The following NRXN3 variants were observed in gnomAD, a reference collection of about 807,000 sequenced individuals.
NRXN3 encodes the protein neurexin 3.
In NRXN3, 32 loss-of-function variants were observed where a neutral mutation model predicts 137.6. The observed-to-expected ratio is 0.23, with a 90% CI of 0.18 to 0.31. The LOEUF (loss-of-function observed/expected upper bound fraction) is 0.31, where lower values mean the gene tolerates loss of function less well. NRXN3 is among the 10% of genes least tolerant of loss of function. The pLI is 1.00. For missense variants in NRXN3, 1,574 were observed against 2,062.5 expected, an observed-to-expected ratio of 0.76 and a Z score of 4.59; for synonymous variants, 798 against 784.5, an observed-to-expected ratio of 1.02 and a Z score of -0.29.
At chr14:78,818,371 C>A (rs943382672) in intron 10 of NRXN3, among the ~76,000 whole-genome samples, 1 of 151,914 alleles carries the variant, frequency 6.6e-6, no homozygotes, top group Non-Finnish European at 1.5e-5. Context: ...ATTGCGCTAC[C>A]TTAATTTATT....
At chr14:79,416,277 C>G (rs2095495585) in intron 15 of NRXN3, among the ~76,000 whole-genome samples, 1 of 152,124 alleles carries the variant, frequency 6.6e-6, no homozygotes, top group Non-Finnish European at 1.5e-5. Context: ...CAGCTTTTCA[C>G]TGTCCCGTTC....
chr14:79,109,278 T>A (rs2053040094), intron 15 of NRXN3, among the ~76,000 whole-genome samples: 1 of 145,972 alleles, frequency 6.9e-6, no homozygotes, highest in Non-Finnish European at 1.5e-5. Flanking sequence ...AGTAGCCTTA[T>A]CAATCAATTA....
intron 15 of NRXN3, among the ~76,000 whole-genome samples, chr14:79,326,360 AG>A (rs1337919072): frequency 1.3e-5 from 2 of 152,288 alleles, no homozygotes; most frequent in East Asian, 3.9e-4. Context: ...TATATTGTTT[AG>A]CCCCCATGAC....
At chr14:79,255,251 G>T (rs61995413) in intron 15 of NRXN3, among the ~76,000 whole-genome samples, 51,728 of 152,064 alleles carry the variant, frequency 0.34, 9,171 homozygotes, top group Admixed American at 0.45. Context: ...CCATAGTGCC[G>T]TCATAGAGGC....
At chr14:79,180,416 A>G (rs2062800265) in intron 15 of NRXN3, among the ~76,000 whole-genome samples, 1 of 152,220 alleles carries the variant, frequency 6.6e-6, no homozygotes, top group Admixed American at 6.5e-5. Context: ...TTAGTAGGAA[A>G]TATCTGAGCA....
At chr14:78,686,317 A>C (rs1436374146) in intron 6 of NRXN3, among the ~76,000 whole-genome samples, 2 of 152,346 alleles carry the variant, frequency 1.3e-5, no homozygotes, top group East Asian at 3.9e-4. Flanking sequence ...TTCCCAATGT[A>C]CCATTTCTCT....
chr14:78,551,907 T>G (rs1298188846), intron 4 of NRXN3, among the ~76,000 whole-genome samples: 2 of 152,148 alleles, frequency 1.3e-5, no homozygotes, highest in Non-Finnish European at 2.9e-5. Flanking sequence ...AAACATTTTC[T>G]TCTCATTATA....
At chr14:79,664,840 T>C (rs1212333680) in intron 17 of NRXN3, among the ~76,000 whole-genome samples, 1 of 152,100 alleles carries the variant, frequency 6.6e-6, no homozygotes, top group Non-Finnish European at 1.5e-5. Context: ...TGCAAGAGAA[T>C]AGTGAGAATA....
chr14:79,579,077 A>G (rs372306522), intron 16 of NRXN3, among the ~76,000 whole-genome samples: 9 of 152,192 alleles, frequency 5.9e-5, no homozygotes, highest in East Asian at 3.9e-4. Flanking sequence ...GCTATTATTC[A>G]AATTCAGTAG....
In NRXN3 at chr14:79,674,603, A is replaced by G. The variant is rs77248645; in HGVS notation, c.3616+10654A>G. Among the ~76,000 whole-genome samples, 333 of 152,004 alleles carry G rather than the reference A, an allele frequency of 2.2e-3. 10 individuals carry two copies. In the East Asian group the frequency reaches 0.047, roughly 21 times the overall value. On this transcript the variant is annotated intron_variant, in intron 17 of 20. Coordinates refer to ENST00000335750, the MANE Select transcript of NRXN3 (RefSeq NM_001330195.2). ...CCAGGTTGCCCACTCCACTTTTCCA[A>G]TGTCTTCCAAGAGCACTCCAGTTTG...
intron 15 of NRXN3, among the ~76,000 whole-genome samples, chr14:79,364,063 T>C (rs533151473): frequency 6.6e-6 from 1 of 152,360 alleles, no homozygotes; most frequent in African/African-American, 2.4e-5. Flanking sequence ...GTGTTTGTGC[T>C]GTGGCCATAT....
At chr14:78,657,398 C>T (rs1279350382) in intron 6 of NRXN3, among the ~76,000 whole-genome samples, 1 of 152,182 alleles carries the variant, frequency 6.6e-6, no homozygotes, top group Non-Finnish European at 1.5e-5. Flanking sequence ...CTTTTCTCCT[C>T]AATCTGACAC....
intron 4 of NRXN3, among the ~76,000 whole-genome samples, chr14:78,560,715 CA>C (rs1401651073): frequency 6.6e-6 from 1 of 152,158 alleles, no homozygotes; most frequent in African/African-American, 2.4e-5. Context: ...GGAATGCAGG[CA>C]GGTCTGGAGA....
At chr14:79,852,234 A>AACACAC (rs45581833) in intron 20 of NRXN3, among the ~76,000 whole-genome samples, 14,371 of 128,088 alleles carry the variant, frequency 0.11, 1,047 homozygotes, top group Admixed American at 0.16. Context: ...TTCAACTCCC[A>AACACAC]ACACACACAC....
intron 18 of NRXN3, among the ~76,000 whole-genome samples, chr14:79,697,049 C>A (rs147275177): frequency 6.6e-6 from 1 of 151,772 alleles, no homozygotes; most frequent in South Asian, 2.1e-4. Flanking sequence ...GGAAATGATA[C>A]GTTTGGTGAC....
At chr14:78,910,612 G>A (rs2099234495) in intron 10 of NRXN3, among the ~76,000 whole-genome samples, 1 of 151,962 alleles carries the variant, frequency 6.6e-6, no homozygotes, top group African/African-American at 2.4e-5. Context: ...CTGACTGCTG[G>A]TTCTGCCCTT....
At chr14:78,878,572 A>G (rs2099119500) in intron 10 of NRXN3, among the ~76,000 whole-genome samples, 2 of 152,274 alleles carry the variant, frequency 1.3e-5, no homozygotes, top group South Asian at 4.1e-4. Flanking sequence ...CCAGAATGTC[A>G]CATTTTATTT....
chr14:78,407,708 C>T (rs542632286), intron 4 of NRXN3, among the ~76,000 whole-genome samples: 4 of 152,262 alleles, frequency 2.6e-5, no homozygotes, highest in East Asian at 3.9e-4. Flanking sequence ...TCTCAGATTC[C>T]GTATCTTTAC....
chr14:79,058,008 T>C (rs879830485), intron 15 of NRXN3, among the ~76,000 whole-genome samples: 3 of 152,150 alleles, frequency 2.0e-5, no homozygotes, highest in Non-Finnish European at 4.4e-5. Context: ...TTGATAATTA[T>C]TTTTCTTTCA....
Sources: allele counts gnomAD v4.1 joint callset (sites outside exome capture counted in the v4.1 genomes callset), GRCh38; gene constraint gnomAD v4.1.1; transcripts MANE v1.5; gene names NCBI Gene and HGNC (gene_info 2026-07-23, HGNC 2026-07-21).